MBD5: variants seen among roughly 807,000 people sequenced by gnomAD.
MBD5 encodes methyl-CpG binding domain protein 5.
Under a neutral mutation model 117.3 loss-of-function variants are expected in MBD5, and 13 were observed. The observed-to-expected ratio is 0.11, with a 90% CI of 0.07 to 0.18. The LOEUF (loss-of-function observed/expected upper bound fraction) is 0.18, where lower values mean the gene tolerates loss of function less well. Among genes scored for constraint, MBD5 ranks in the 10% least tolerant of loss-of-function variants. The pLI is 1.00. For missense variants in MBD5, 1,879 were observed against 2,093.8 expected (o/e 0.90, Z 2.00); for synonymous variants, 727 against 766.4 (o/e 0.95, Z 0.85).
intron 3 of MBD5, among the ~76,000 whole-genome samples, chr2:148,301,145 T>C (rs573849590): frequency 6.6e-6 from 1 of 152,342 alleles, no homozygotes; most frequent in Non-Finnish European, 1.5e-5. Flanking sequence ...CAAACCAAAC[T>C]ATCTTATAGT....
chr2:148,459,397 C>T (rs1706992589), intron 5 of MBD5, among the ~76,000 whole-genome samples: 1 of 152,140 alleles, frequency 6.6e-6, no homozygotes, highest in Admixed American at 6.6e-5. Flanking sequence ...CTGCATCTTA[C>T]AAGTAAATAG....
At chr2:148,369,890 T>G (rs2105358204) in intron 4 of MBD5, among the ~76,000 whole-genome samples, 1 of 152,268 alleles carries the variant, frequency 6.6e-6, no homozygotes, top group South Asian at 2.1e-4. Context: ...ACTTAGGGGA[T>G]GTATAATAGA....
chr2:148,226,355 A>G lies in MBD5; in HGVS notation c.-830-6890A>G, dbSNP rs1344083737. Among the ~76,000 whole-genome samples the G allele has an allele frequency of 2.0e-5, 3 of 152,024 alleles. No homozygotes were observed. In the East Asian group the frequency reaches 5.8e-4, roughly 29 times the overall value. On this transcript the variant is annotated intron_variant, in intron 2 of 13. Coordinates refer to ENST00000642680, the MANE Select transcript of MBD5 (RefSeq NM_001378120.1). ...TCAATTCCCACCTATGAGTGAGAACATGTGGTGTTTGGTTTTTTGTCCTTG... is the reference window on the plus strand; with the variant it reads ...TCAATTCCCACCTATGAGTGAGAACGTGTGGTGTTTGGTTTTTTGTCCTTG...
intron 4 of MBD5, among the ~76,000 whole-genome samples, chr2:148,391,880 T>C (rs1243977401): frequency 6.6e-6 from 1 of 152,326 alleles, no homozygotes; most frequent in Non-Finnish European, 1.5e-5. Flanking sequence ...ATATACAACA[T>C]GTATCTCTAC....
chr2:148,475,626 T>C (rs1680939411), intron 8 of MBD5, among the ~76,000 whole-genome samples: 1 of 152,102 alleles, frequency 6.6e-6, no homozygotes, highest in South Asian at 2.1e-4. Context: ...TTTATTCCAT[T>C]ACAACACATT....
intron 3 of MBD5, among the ~76,000 whole-genome samples, chr2:148,341,884 A>C (rs1459271621): frequency 6.6e-6 from 1 of 152,062 alleles, no homozygotes; most frequent in African/African-American, 2.4e-5. Flanking sequence ...ATTAAATGAG[A>C]TATAAAGGAT....
At chr2:148,234,913 C>A (rs1456325706) in intron 3 of MBD5, among the ~76,000 whole-genome samples, 1 of 152,042 alleles carries the variant, frequency 6.6e-6, no homozygotes, top group African/African-American at 2.4e-5. Flanking sequence ...AAAAATTGAT[C>A]ATTGTTTAAT....
chr2:148,175,680 G>T (rs1354343400), intron 1 of MBD5, among the ~76,000 whole-genome samples: 1 of 152,166 alleles, frequency 6.6e-6, no homozygotes, highest in Non-Finnish European at 1.5e-5. Flanking sequence ...GTTAATTGTA[G>T]ACTGCTGGAG....
intron 3 of MBD5, among the ~76,000 whole-genome samples, chr2:148,282,872 A>T (rs1321451011): frequency 6.7e-6 from 1 of 149,720 alleles, no homozygotes; most frequent in African/African-American, 2.5e-5. Flanking sequence ...TATTTTTTCC[A>T]TATAGACTGA....
intron 1 of MBD5, chr2:148,044,453 T>C (rs1694458831): frequency 6.6e-6 from 1 of 152,176 alleles, no homozygotes; most frequent in Non-Finnish European, 1.5e-5. Context: ...AGAAAAAGTT[T>C]CCTAGACAAG....
At chr2:148,493,812 C>T (rs1215998418) in intron 11 of MBD5, among the ~76,000 whole-genome samples, 1 of 152,098 alleles carries the variant, frequency 6.6e-6, no homozygotes, top group Non-Finnish European at 1.5e-5. Context: ...GGTTTTTAGA[C>T]ATCGAATACT....
At chr2:148,305,972 C>T (rs978157448) in intron 3 of MBD5, among the ~76,000 whole-genome samples, 1 of 152,196 alleles carries the variant, frequency 6.6e-6, no homozygotes, top group African/African-American at 2.4e-5. Context: ...CAAAATAAAT[C>T]TAGTGTCATT....
intron 3 of MBD5, among the ~76,000 whole-genome samples, chr2:148,292,244 A>G (rs955851409): frequency 3.3e-5 from 5 of 152,250 alleles, no homozygotes; most frequent in Non-Finnish European, 5.9e-5. Context: ...AAGCCTCTGC[A>G]CAGCAAAGGA....
At chr2:148,154,276 G>A (rs1191583155) in intron 1 of MBD5, among the ~76,000 whole-genome samples, 1 of 152,146 alleles carries the variant, frequency 6.6e-6, no homozygotes, top group Non-Finnish European at 1.5e-5. Flanking sequence ...ACTTGAGGAG[G>A]CAGTCTGCCC....
intron 11 of MBD5, among the ~76,000 whole-genome samples, chr2:148,496,193 G>T (rs958105503): frequency 4.6e-5 from 7 of 152,144 alleles, no homozygotes; most frequent in African/African-American, 1.7e-4. Flanking sequence ...TTGGTTGGTG[G>T]TGTGACAGAG....
intron 7 of MBD5, 89 bp downstream of exon 7, chr2:148,464,008 AC>A: frequency 1.5e-6 from 2 of 1,340,232 alleles, no homozygotes; most frequent in African/African-American, 2.9e-5. Context: ...TTCTCATTCT[AC>A]TTTTCAGGCA....
rs377003952 is a variant in MBD5, at chr2:148,446,702, C to G, written c.-556-11501C>G. Among the ~76,000 whole-genome samples the G allele has an allele frequency of 4.0e-5, 6 of 151,158 alleles. No homozygotes were observed. The East Asian group carries it at 9.7e-4, about 25-fold the overall frequency. On this transcript the variant is annotated intron_variant, in intron 4 of 13. Coordinates refer to ENST00000642680, the MANE Select transcript of MBD5 (RefSeq NM_001378120.1). Reference sequence around the variant, plus strand: ...ATATCAGAGCACCTATGAAATCCATCAAATAATCAGAAGGTTATCCAATGG... The same window carrying G: ...ATATCAGAGCACCTATGAAATCCATGAAATAATCAGAAGGTTATCCAATGG...
chr2:148,462,393 G>C (rs577093626), intron 5 of MBD5, among the ~76,000 whole-genome samples, 189 bp from the exon 6 acceptor site: 1 of 151,868 alleles, frequency 6.6e-6, no homozygotes, highest in African/African-American at 2.4e-5. Flanking sequence ...GAAATATTTT[G>C]GTTCAAAAGA....
chr2:148,218,361 C>T (rs1364525235), intron 2 of MBD5, among the ~76,000 whole-genome samples: 1 of 152,126 alleles, frequency 6.6e-6, no homozygotes, highest in Non-Finnish European at 1.5e-5. Flanking sequence ...ACAGACTAAT[C>T]TGCATAAGCA....
Sources: allele counts gnomAD v4.1 joint callset (sites outside exome capture counted in the v4.1 genomes callset), GRCh38; gene constraint gnomAD v4.1.1; transcripts MANE v1.5; gene names NCBI Gene and HGNC (gene_info 2026-07-23, HGNC 2026-07-21).